Variants in TRAF3 observed in about 807,000 individuals in gnomAD.
TRAF3 encodes TNF receptor-associated factor 3.
Under a neutral mutation model 62.3 loss-of-function variants are expected in TRAF3, and 13 were observed. The observed-to-expected ratio is 0.21, with a 90% CI of 0.14 to 0.33. The LOEUF (loss-of-function observed/expected upper bound fraction) is 0.33. Ranked by LOEUF, TRAF3 falls within the 10% of genes least tolerant of loss-of-function variation. The pLI, the probability that TRAF3 is intolerant of heterozygous loss-of-function variation, is 1.00. For missense variants in TRAF3, 440 were observed against 741.8 expected (o/e 0.59, Z 4.73); for synonymous variants, 269 against 283.4 (o/e 0.95, Z 0.51).
rs1221064183 is a variant in TRAF3 at position 102,908,878 on chromosome 14, C to T, written c.*3094C>T. 5 of 152,316 alleles carry T rather than the reference C, an allele frequency of 3.3e-5. No individual in the cohort carries two copies. Among genetic ancestry groups the T allele is most frequent in the Non-Finnish European group, 7.3e-5 (5 of 68,090 alleles). 9.4% of individuals were successfully genotyped at this position (152,316 alleles called of 1,614,324 possible). On this transcript the variant is annotated 3_prime_UTR_variant, in exon 12 of 12. Coordinates refer to ENST00000392745, the MANE Select transcript of TRAF3 (RefSeq NM_145725.3). ...GCACGCTGGTTGGCTGGCCTGGGCC[C>T]GGCTCACGTGAAGGGCACTGGCTCT...
chr14:102,823,394 C>T (rs571313053), intron 1 of TRAF3, among the ~76,000 whole-genome samples: 16 of 152,154 alleles, frequency 1.1e-4, no homozygotes, highest in African/African-American at 1.9e-4. Flanking sequence ...AGTTCCATAG[C>T]GACACCTCTC....
intron 6 of TRAF3, among the ~76,000 whole-genome samples, chr14:102,881,874 A>G (rs904086595): frequency 1.1e-4 from 17 of 152,218 alleles, no homozygotes; most frequent in Admixed American, 3.3e-4. Flanking sequence ...TAAACACCAT[A>G]TAAGTAACTG....
intron 1 of TRAF3, among the ~76,000 whole-genome samples, chr14:102,804,272 T>TA (rs1370643388): frequency 2.0e-5 from 3 of 152,284 alleles, no homozygotes; most frequent in South Asian, 4.1e-4. Flanking sequence ...TGTAGAGACT[T>TA]ACAATCTTCA....
rs533940628 is a variant in TRAF3 at position 102,781,297 on chromosome 14, C to G, written c.-157+3622C>G. On this transcript the variant is annotated intron_variant, in intron 1 of 11. Transcript: ENST00000392745. ...CATTGGGTTTCCAGTTGGGAAGTTGCATGTGCTGGCCTTTGGCTCTTGCCA... is the reference window on the plus strand; with the variant it reads ...CATTGGGTTTCCAGTTGGGAAGTTGGATGTGCTGGCCTTTGGCTCTTGCCA... Among the ~76,000 whole-genome samples, 34 of 152,340 alleles carry G rather than the reference C, an allele frequency of 2.2e-4. No homozygotes were observed. In the South Asian group the frequency reaches 4.6e-3, roughly 20 times the overall value.
At chr14:102,894,501 G>A (rs1299179532) in intron 9 of TRAF3, among the ~76,000 whole-genome samples, 1 of 152,222 alleles carries the variant, frequency 6.6e-6, no homozygotes, top group Non-Finnish European at 1.5e-5. Context: ...CGGACCTCCT[G>A]GGCCGGTGTT....
chr14:102,886,910 A>T (rs548713492), intron 7 of TRAF3, among the ~76,000 whole-genome samples: 17 of 152,354 alleles, frequency 1.1e-4, no homozygotes, highest in African/African-American at 4.1e-4. Flanking sequence ...TTGCTGTAAG[A>T]TTATCTCAAG....
At chr14:102,802,154 A>ATT (rs1202677524) in intron 1 of TRAF3, among the ~76,000 whole-genome samples, 18 of 81,066 alleles carry the variant, frequency 2.2e-4, no homozygotes, top group African/African-American at 6.3e-4. Context: ...ACCTGGACTC[A>ATT]TTTTTTTTTT....
chr14:102,845,514 A>G (rs1471566740), intron 2 of TRAF3, among the ~76,000 whole-genome samples: 1 of 131,878 alleles, frequency 7.6e-6, no homozygotes, highest in Non-Finnish European at 1.5e-5. Flanking sequence ...AAAATAAAAA[A>G]AAAATTTTTT....
chr14:102,787,177 G>A (rs1053282667), intron 1 of TRAF3, among the ~76,000 whole-genome samples: 2 of 152,128 alleles, frequency 1.3e-5, no homozygotes, highest in Non-Finnish European at 1.5e-5. Context: ...AAGAAATACC[G>A]GTGGGAGTAG....
chr14:102,847,096 A>G (rs1886771747), intron 2 of TRAF3, among the ~76,000 whole-genome samples: 1 of 152,232 alleles, frequency 6.6e-6, no homozygotes, highest in Admixed American at 6.5e-5. Context: ...AAAATCCCCA[A>G]AGCACATGCA....
chr14:102,900,696 C>T (rs569627789), intron 10 of TRAF3, among the ~76,000 whole-genome samples: 116 of 152,344 alleles, frequency 7.6e-4, no homozygotes, highest in African/African-American at 2.7e-3. Flanking sequence ...TCTCACAGCG[C>T]CGGGCTTGTG....
rs192997989 is a variant in TRAF3, at chr14:102,813,761, T to A, written c.-156-16573T>A. Among the ~76,000 whole-genome samples, 9 of 152,290 alleles carry A rather than the reference T, an allele frequency of 5.9e-5. No individual in the cohort carries two copies. In the East Asian group the frequency reaches 1.7e-3, roughly 29 times the overall value. On this transcript the variant is annotated intron_variant, in intron 1 of 11. Transcript: ENST00000392745. The stretch of plus-strand genomic sequence containing the variant: ...CCACCCACCTGGCCAATTTGCCCAT[T>A]TTTTAATTGGATTTTTTTTTTTTGC...
intron 2 of TRAF3, among the ~76,000 whole-genome samples, chr14:102,857,167 G>A (rs902601077): frequency 3.3e-5 from 5 of 152,178 alleles, no homozygotes; most frequent in African/African-American, 1.2e-4. Flanking sequence ...TATTGATCCA[G>A]ATTTTTACAT....
chr14:102,810,262 C>T (rs926687000), intron 1 of TRAF3, among the ~76,000 whole-genome samples: 1 of 152,012 alleles, frequency 6.6e-6, no homozygotes, highest in Non-Finnish European at 1.5e-5. Flanking sequence ...GAGGATGGGG[C>T]GGTGCAGTGG....
chr14:102,803,170 A>G lies in TRAF3; in HGVS notation c.-157+25495A>G, dbSNP rs183960393. Among the ~76,000 whole-genome samples the G allele has an allele frequency of 6.6e-5, 10 of 152,358 alleles. No homozygotes were observed. In the East Asian group the frequency reaches 1.7e-3, roughly 26 times the overall value. On this transcript the variant is annotated intron_variant, in intron 1 of 11. Transcript: ENST00000392745. ...GAGATTTGGGTAGAGACACAGCCCTATCAGTGGCTTACGCTCCTGGCTTGG... is the reference window on the plus strand; with the variant it reads ...GAGATTTGGGTAGAGACACAGCCCTGTCAGTGGCTTACGCTCCTGGCTTGG...
At chr14:102,836,803 G>A (rs1403295647) in intron 2 of TRAF3, among the ~76,000 whole-genome samples, 1 of 152,190 alleles carries the variant, frequency 6.6e-6, no homozygotes, top group East Asian at 1.9e-4. Context: ...GACATTTTGT[G>A]TTTTAGGAAT....
intron 1 of TRAF3, among the ~76,000 whole-genome samples, chr14:102,815,238 T>C (rs1221922249): frequency 1.3e-5 from 2 of 152,246 alleles, no homozygotes; most frequent in African/African-American, 4.8e-5. Context: ...TGTTCCTGGC[T>C]TGGAGTCATT....
At chr14:102,840,197 CA>C (rs992899038) in intron 2 of TRAF3, among the ~76,000 whole-genome samples, 1 of 151,142 alleles carries the variant, frequency 6.6e-6, no homozygotes, top group African/African-American at 2.4e-5. Context: ...AAATTTGATG[CA>C]AAAAAAATCC....
At chr14:102,854,099 T>C (rs1390097428) in intron 2 of TRAF3, among the ~76,000 whole-genome samples, 2 of 152,230 alleles carry the variant, frequency 1.3e-5, no homozygotes, top group Admixed American at 1.3e-4. Flanking sequence ...TCCATCCATG[T>C]TGTAGCATAT....
Sources: gnomAD v4.1 joint callset for allele counts (sites outside exome capture counted in the v4.1 genomes callset) on GRCh38, gnomAD v4.1.1 for gene constraint, MANE v1.5 for transcripts, NCBI Gene and HGNC (gene_info 2026-07-23, HGNC 2026-07-21) for gene names.